GDAP1: variants seen among roughly 807,000 people sequenced by gnomAD.
GDAP1 encodes the protein ganglioside-induced differentiation-associated protein 1.
In GDAP1, 34 loss-of-function variants were observed where a neutral mutation model predicts 40.1. The observed-to-expected ratio is 0.85, with a 90% CI of 0.64 to 1.13. GDAP1 has a LOEUF of 1.13. Among genes scored for constraint, GDAP1 ranks in the 50% most tolerant of loss-of-function variants. The pLI, the probability that GDAP1 is intolerant of heterozygous loss-of-function variation, is 0.00. For missense variants in GDAP1, 374 were observed against 433.7 expected, an observed-to-expected ratio of 0.86 and a Z score of 1.22; for synonymous variants, 170 against 157.4, an observed-to-expected ratio of 1.08 and a Z score of -0.60.
chr8:74,369,722 A>T (rs1213008253), downstream of GDAP1, among the ~76,000 whole-genome samples: 1 of 152,132 alleles, frequency 6.6e-6, no homozygotes. Flanking sequence ...AAATCACTGA[A>T]CTCAGTGAAA....
At chr8:74,423,307 A>G (rs1805903707) in intron 2 of GDAP1, among the ~76,000 whole-genome samples, 1 of 147,282 alleles carries the variant, frequency 6.8e-6, no homozygotes, top group Non-Finnish European at 1.5e-5. Context: ...TGTATACTAT[A>G]TATAATAGTA....
intron 2 of GDAP1, among the ~76,000 whole-genome samples, chr8:74,460,509 C>G (rs1806387564): frequency 6.6e-6 from 1 of 152,182 alleles, no homozygotes; most frequent in African/African-American, 2.4e-5. Flanking sequence ...AGGGCCACTT[C>G]CAGGGCCTCA....
chr8:74,361,975 TA>T lies in GDAP1; in HGVS notation c.579del (p.Lys193AsnfsTer13), dbSNP rs1060500979. ...CATACATTGCAAAACAGAAACGACT[TA>T]AAGTAAGCCAATCAGCTGTCCTCAG... The part of the protein sequence containing the change: ...EAYIAKQKRL[K>X]SKLLDHDNVK... On this transcript the variant is annotated frameshift_variant and splice_region_variant, in exon 4 of 6. Transcript: ENST00000220822. LOFTEE classifies it high-confidence loss of function. 6.4e-7 allele frequency: 1 copy of T among 1,559,436 alleles called. No individual in the cohort carries two copies. The highest frequency in any genetic ancestry group is 1.7e-5 in the Admixed American group (1 of 59,992).
chr8:74,413,788 A>T (rs7464916), intron 2 of GDAP1, among the ~76,000 whole-genome samples: 1 of 148,144 alleles, frequency 6.8e-6, no homozygotes, highest in East Asian at 1.9e-4. Context: ...CATAGGAAGT[A>T]CATAACAGAG....
At chr8:74,359,382 A>G (rs1357239396) in intron 2 of GDAP1, among the ~76,000 whole-genome samples, 2 of 152,266 alleles carry the variant, frequency 1.3e-5, no homozygotes, top group East Asian at 3.8e-4. Flanking sequence ...AGAGCAGTAC[A>G]TGGTCCCTGC....
chr8:74,354,498 C>CA (rs1388318081), intron 2 of GDAP1, among the ~76,000 whole-genome samples: 1 of 152,002 alleles, frequency 6.6e-6, no homozygotes, highest in African/African-American at 2.4e-5. Context: ...GGTAAATAGT[C>CA]AAAGTGATGA....
intron 2 of GDAP1, among the ~76,000 whole-genome samples, chr8:74,485,757 A>T (rs964324585): frequency 6.6e-6 from 1 of 152,034 alleles, no homozygotes; most frequent in African/African-American, 2.4e-5. Flanking sequence ...TGCCCCACTG[A>T]GGAAACCACC....
intron 2 of GDAP1, among the ~76,000 whole-genome samples, chr8:74,356,716 A>AT (rs377497809): frequency 0.21 from 21,903 of 102,688 alleles, 2,989 homozygotes; most frequent in East Asian, 0.29. Flanking sequence ...ATATATATAT[A>AT]TTTTTTTTTT....
chr8:74,450,036 G>A (rs550889923), intron 2 of GDAP1, among the ~76,000 whole-genome samples: 2 of 150,728 alleles, frequency 1.3e-5, no homozygotes, highest in African/African-American at 4.8e-5. Flanking sequence ...GCTGGATCCA[G>A]AAAATGGATA....
At chr8:74,471,669 A>G (rs916520053) in intron 2 of GDAP1, among the ~76,000 whole-genome samples, 3 of 152,162 alleles carry the variant, frequency 2.0e-5, no homozygotes, top group Non-Finnish European at 4.4e-5. Flanking sequence ...GTTGTAATCC[A>G]TCCTTTCTCC....
intron 2 of GDAP1, among the ~76,000 whole-genome samples, chr8:74,474,018 C>T (rs1334480855): frequency 6.6e-6 from 1 of 152,136 alleles, no homozygotes; most frequent in Non-Finnish European, 1.5e-5. Context: ...CTTTCACCTC[C>T]CTGGTTAGCT....
chr8:74,394,262 A>G (rs1018874713), intron 2 of GDAP1, among the ~76,000 whole-genome samples: 1 of 152,140 alleles, frequency 6.6e-6, no homozygotes, highest in Non-Finnish European at 1.5e-5. Context: ...TAGGAGAAAG[A>G]CCCACCCCCA....
chr8:74,375,821 T>A (rs1479488990), intron 2 of GDAP1, among the ~76,000 whole-genome samples: 4 of 152,164 alleles, frequency 2.6e-5, no homozygotes, highest in Non-Finnish European at 5.9e-5. Flanking sequence ...GGTATAAAAT[T>A]TTAAAGGAAT....
In GDAP1 at chr8:74,466,124, T is replaced by C. The variant is rs144689629; in HGVS notation, c.166-22554T>C. On this transcript the variant is annotated intron_variant, in intron 2 of 2. Coordinates refer to the GDAP1 transcript ENST00000523640. Reference sequence around the variant, plus strand: ...TGCTTTTTATCAGAGCAAAATATGCTTAAATCATGCTTAAAATATGCTTTG... The same window carrying C: ...TGCTTTTTATCAGAGCAAAATATGCCTAAATCATGCTTAAAATATGCTTTG... Among the ~76,000 whole-genome samples, 62 of 152,344 alleles carry C rather than the reference T, an allele frequency of 4.1e-4. No homozygotes were observed. In the East Asian group the frequency reaches 0.012, roughly 28 times the overall value.
intron 2 of GDAP1, among the ~76,000 whole-genome samples, chr8:74,441,515 C>T (rs1806162354): frequency 6.6e-6 from 1 of 152,034 alleles, no homozygotes; most frequent in Non-Finnish European, 1.5e-5. Context: ...ATTTTTATGG[C>T]CATGTGTTTA....
chr8:74,461,868 C>A (rs1806405924), intron 2 of GDAP1, among the ~76,000 whole-genome samples: 1 of 152,216 alleles, frequency 6.6e-6, no homozygotes, highest in South Asian at 2.1e-4. Context: ...CATTAAATCT[C>A]ATAAAGCACT....
intron 2 of GDAP1, among the ~76,000 whole-genome samples, chr8:74,467,874 G>A (rs912060796): frequency 6.6e-6 from 1 of 151,832 alleles, no homozygotes; most frequent in Non-Finnish European, 1.5e-5. Context: ...ATTTTTCTAT[G>A]TTTTCTTCTG....
chr8:74,388,160 G>A (rs749022092), intron 2 of GDAP1, among the ~76,000 whole-genome samples: 4 of 151,732 alleles, frequency 2.6e-5, no homozygotes, highest in South Asian at 2.1e-4. Context: ...AGGGTTTTTC[G>A]TGTCTCTCTC....
chr8:74,402,015 T>TTC (rs1810351379), intron 2 of GDAP1, among the ~76,000 whole-genome samples: 1 of 149,788 alleles, frequency 6.7e-6, no homozygotes, highest in Admixed American at 6.6e-5. Context: ...AGGGACCCAC[T>TTC]TGAGGAGGCA....
Sources: allele counts gnomAD v4.1 joint callset (sites outside exome capture counted in the v4.1 genomes callset), GRCh38; gene constraint gnomAD v4.1.1; transcripts MANE v1.5; gene names NCBI Gene and HGNC (gene_info 2026-07-23, HGNC 2026-07-21).